KALRN: variants seen among roughly 807,000 people sequenced by gnomAD.
The protein encoded by KALRN is kalirin RhoGEF kinase, also known as kalirin.
KALRN carries 70 observed loss-of-function variants against 353.7 expected under a neutral mutation model. The ratio of observed to expected loss-of-function variants is 0.20; its 90% CI spans 0.16 to 0.24. The LOEUF is 0.24. KALRN is among the 10% of genes least tolerant of loss of function. KALRN has a pLI of 1.00. For synonymous variants in KALRN, 1,391 were observed against 1,434.8 expected, an observed-to-expected ratio of 0.97 and a Z score of 0.69; for missense variants, 2,791 against 3,756.7, an observed-to-expected ratio of 0.74 and a Z score of 6.72.
At chr3:124,668,326 G>T (rs768341021) in intron 47 of KALRN, among the ~76,000 whole-genome samples, 3 of 152,190 alleles carry the variant, frequency 2.0e-5, no homozygotes, top group Non-Finnish European at 2.9e-5. Flanking sequence ...AAAGATAAAA[G>T]GTGCCATACG....
intron 12 of KALRN, 55 bp from the exon 13 acceptor site, chr3:124,398,642 C>A: frequency 1.3e-6 from 2 of 1,579,158 alleles, no homozygotes; most frequent in South Asian, 2.2e-5. Flanking sequence ...CCTCCTCTGT[C>A]ACTTTTAACA....
chr3:124,307,290 T>C (rs1298903333), intron 6 of KALRN, among the ~76,000 whole-genome samples: 2 of 152,016 alleles, frequency 1.3e-5, no homozygotes, highest in Non-Finnish European at 2.9e-5. Context: ...AGATGATAAC[T>C]TGAATCCACA....
chr3:124,448,188 C>T (rs2093902156), intron 21 of KALRN, among the ~76,000 whole-genome samples: 1 of 152,134 alleles, frequency 6.6e-6, no homozygotes, highest in African/African-American at 2.4e-5. Context: ...CTTATTCATC[C>T]TACCTTTGTA....
At chr3:124,396,033 G>A (rs1306842288) in intron 12 of KALRN, among the ~76,000 whole-genome samples, 2 of 152,178 alleles carry the variant, frequency 1.3e-5, no homozygotes, top group African/African-American at 4.8e-5. Flanking sequence ...TGGCTCCTTA[G>A]ATAAAGTGTC....
Position 124,334,523 on chromosome 3 carries a change from T to G in KALRN, c.1647+28T>G. On this transcript the variant is annotated intron_variant, in intron 9 of 59. Coordinates refer to ENST00000682506, the MANE Select transcript of KALRN (RefSeq NM_001388419.1). The surrounding 1 kb of genome is among the most constrained non-coding windows in gnomAD (Gnocchi z 4.2). ...AACAGGCTCTGAGCCCCGGTGTCCA[T>G]TATCCATTCTAGGAGGCAGACCGAG... The G allele has an allele frequency of 6.5e-7, 1 of 1,541,204 alleles. No individual in the cohort carries two copies. The highest frequency in any genetic ancestry group is 8.9e-7 in the Non-Finnish European group (1 of 1,121,716).
At chr3:124,074,696 CCATA>C (rs2060183571) in intron 1 of KALRN, among the ~76,000 whole-genome samples, 1 of 152,116 alleles carries the variant, frequency 6.6e-6, no homozygotes, top group Non-Finnish European at 1.5e-5. Flanking sequence ...AAGTGTAGCT[CCATA>C]GAGTACCTCA....
chr3:124,452,233 C>T (rs2058856971), intron 21 of KALRN, among the ~76,000 whole-genome samples: 1 of 152,154 alleles, frequency 6.6e-6, no homozygotes, highest in African/African-American at 2.4e-5. Flanking sequence ...AATTCATGGG[C>T]CAAATTTATC....
chr3:124,325,185 C>T (rs1433673989), intron 6 of KALRN, among the ~76,000 whole-genome samples: 1 of 152,088 alleles, frequency 6.6e-6, no homozygotes, highest in Non-Finnish European at 1.5e-5. Flanking sequence ...TGAATGTAAA[C>T]AAAACAAGTA....
chr3:124,092,370 C>T (rs1377004862), intron 1 of KALRN, among the ~76,000 whole-genome samples: 1 of 152,182 alleles, frequency 6.6e-6, no homozygotes, highest in South Asian at 2.1e-4. Context: ...ATGCGAGCCT[C>T]CCGTTTCAGA....
At chr3:124,397,801 C>T (rs764923734) in intron 12 of KALRN, among the ~76,000 whole-genome samples, 68 of 152,212 alleles carry the variant, frequency 4.5e-4, no homozygotes, top group Non-Finnish European at 8.5e-4. Context: ...TCCATTTCTT[C>T]AAACCCCCAA....
At chr3:124,172,056 G>A (rs2071915019) in intron 1 of KALRN, among the ~76,000 whole-genome samples, 1 of 152,142 alleles carries the variant, frequency 6.6e-6, no homozygotes, top group African/African-American at 2.4e-5. Flanking sequence ...GCTTTGGGTA[G>A]GTTACTTGAC....
At chr3:124,615,156 T>C (rs1276564262) in intron 34 of KALRN, among the ~76,000 whole-genome samples, 1 of 152,210 alleles carries the variant, frequency 6.6e-6, no homozygotes, top group East Asian at 1.9e-4. Flanking sequence ...AAAGTTAACA[T>C]AACTATAGTC....
At chr3:124,678,935 A>G (rs573975868) in intron 50 of KALRN, among the ~76,000 whole-genome samples, 37 of 152,184 alleles carry the variant, frequency 2.4e-4, no homozygotes, top group Non-Finnish European at 5.0e-4. Context: ...ATCTTGAAAC[A>G]ATGTCATCTG....
At chr3:124,333,350 G>A (rs748427179) in intron 8 of KALRN, among the ~76,000 whole-genome samples, 2 of 152,176 alleles carry the variant, frequency 1.3e-5, no homozygotes, top group Non-Finnish European at 2.9e-5. Context: ...TACGGTATGT[G>A]TGTTAACTCA....
intron 34 of KALRN, among the ~76,000 whole-genome samples, chr3:124,620,069 C>A (rs2079099619): frequency 6.6e-6 from 1 of 151,246 alleles, no homozygotes; most frequent in Admixed American, 6.6e-5. Flanking sequence ...TCACCATATT[C>A]TTTCAGCGGC....
At chr3:124,128,598 A>G (rs2064945350) in intron 1 of KALRN, among the ~76,000 whole-genome samples, 1 of 152,116 alleles carries the variant, frequency 6.6e-6, no homozygotes, top group Non-Finnish European at 1.5e-5. Flanking sequence ...TGGAATGAAA[A>G]TTTCAACCAA....
At chr3:124,704,572 G>A (rs538220206) in intron 57 of KALRN, among the ~76,000 whole-genome samples, 5 of 151,894 alleles carry the variant, frequency 3.3e-5, no homozygotes, top group Middle Eastern at 3.4e-3. Flanking sequence ...CTTTGAGACA[G>A]GGACTCACTA....
intron 10 of KALRN, among the ~76,000 whole-genome samples, chr3:124,367,869 A>C (rs1576342421): frequency 1.1e-4 from 1 of 9,488 alleles, no homozygotes; most frequent in Non-Finnish European, 2.1e-4. Context: ...CGGGGGGCTG[A>C]CCCCCCCACT....
chr3:124,494,608 T>C (rs1330597197), intron 32 of KALRN, among the ~76,000 whole-genome samples: 1 of 152,252 alleles, frequency 6.6e-6, no homozygotes, highest in Non-Finnish European at 1.5e-5. Context: ...TAAATTGGCA[T>C]TTCCCAAGCC....
Sources: gnomAD v4.1 joint callset for allele counts (sites outside exome capture counted in the v4.1 genomes callset) on GRCh38, gnomAD v4.1.1 for gene constraint, Gnocchi (gnomAD v3.1) non-coding constraint, MANE v1.5 for transcripts, NCBI Gene and HGNC (gene_info 2026-07-23, HGNC 2026-07-21) for gene names.